The following EYA4 variants were observed in gnomAD, a reference collection of about 807,000 sequenced individuals.
The protein encoded by EYA4 is EYA transcriptional coactivator and phosphatase 4.
In EYA4, 31 loss-of-function variants were observed where a neutral mutation model predicts 87.9. That is an observed-to-expected ratio of 0.35 (90% CI 0.27 to 0.48). The LOEUF (loss-of-function observed/expected upper bound fraction) is 0.48. Among genes scored for constraint, EYA4 ranks in the 20% least tolerant of loss-of-function variants. The pLI, the probability that EYA4 is intolerant of heterozygous loss-of-function variation, is 0.99. For missense variants in EYA4, 678 were observed against 761.4 expected, an observed-to-expected ratio of 0.89 and a Z score of 1.29; for synonymous variants, 263 against 270.6, an observed-to-expected ratio of 0.97 and a Z score of 0.28.
intron 2 of EYA4, among the ~76,000 whole-genome samples, chr6:133,310,105 A>G (rs757715411): frequency 6.6e-6 from 1 of 152,180 alleles, no homozygotes; most frequent in Non-Finnish European, 1.5e-5. Context: ...GAGGAGGTCA[A>G]TTTTACTTAT....
chr6:133,432,746 C>T (rs1346656802), intron 3 of EYA4, among the ~76,000 whole-genome samples: 1 of 151,964 alleles, frequency 6.6e-6, no homozygotes, highest in Non-Finnish European at 1.5e-5. Flanking sequence ...ATCACAGGGC[C>T]CTCTCATCAC....
At chr6:133,415,856 C>G (rs952993149) in intron 3 of EYA4, among the ~76,000 whole-genome samples, 9 of 152,148 alleles carry the variant, frequency 5.9e-5, no homozygotes, top group Non-Finnish European at 1.0e-4. Context: ...AGACACACAA[C>G]AAGTATAAAA....
intron 3 of EYA4, among the ~76,000 whole-genome samples, chr6:133,415,555 G>T (rs1030318733): frequency 4.6e-5 from 7 of 152,102 alleles, no homozygotes; most frequent in African/African-American, 1.7e-4. Flanking sequence ...TGAGGATTAT[G>T]AGACACATGT....
chr6:133,342,062 C>CACT (rs1252536850), intron 2 of EYA4, among the ~76,000 whole-genome samples: 1 of 151,998 alleles, frequency 6.6e-6, no homozygotes, highest in African/African-American at 2.4e-5. Flanking sequence ...GACATGAAAG[C>CACT]ACTAACTTGG....
At chr6:133,308,017 G>C (rs1419962078) in intron 2 of EYA4, among the ~76,000 whole-genome samples, 1 of 152,124 alleles carries the variant, frequency 6.6e-6, no homozygotes, top group African/African-American at 2.4e-5. Flanking sequence ...ATAAAGGGCA[G>C]TTCCCCTGCA....
rs143757415 is a variant in EYA4, at chr6:133,464,803, C to A, written c.749C>A (p.Thr250Asn). 4.8e-5 allele frequency: 77 copies of A among 1,609,764 alleles called. No individual in the cohort carries two copies. The African/African-American group carries it at 9.2e-4, about 19-fold the overall frequency. Residue 250 changes from threonine (T) to asparagine (N), a missense_variant, in exon 10 of 20, where the codon ACT becomes AAT. Coordinates refer to ENST00000355286, the MANE Select transcript of EYA4 (RefSeq NM_004100.5). ...GGTTCTAGTTTTGCACCATCATCTA[C>A]TATTTATGCAAATAATTCAGTTTCC... ...MPGSSFAPSSTIYANNSVSNS... is the reference protein window; with the variant it reads ...MPGSSFAPSSNIYANNSVSNS...
rs187543032 is a variant in EYA4 at position 133,432,033 on chromosome 6, C to A, written c.84-14597C>A. On this transcript the variant is annotated intron_variant, in intron 3 of 19. Transcript: ENST00000355286. ...ACCCCCGCCCCCAGCATTTGCAAACCACCAGTCATTTCCTTAGGGACCTTA... is the reference window on the plus strand; with the variant it reads ...ACCCCCGCCCCCAGCATTTGCAAACAACCAGTCATTTCCTTAGGGACCTTA... Among the ~76,000 whole-genome samples the A allele has an allele frequency of 5.5e-3, 836 of 151,588 alleles. 6 individuals are homozygous for A. The highest frequency in any genetic ancestry group is 0.02 in the African/African-American group (815 of 41,280).
chr6:133,488,961 C>T (rs182803528), intron 13 of EYA4, among the ~76,000 whole-genome samples: 22 of 152,140 alleles, frequency 1.4e-4, no homozygotes, highest in Admixed American at 5.9e-4. Flanking sequence ...GTGACCTTTC[C>T]GATAGAGAAT....
At chr6:133,450,521 T>C (rs992855586) in intron 5 of EYA4, among the ~76,000 whole-genome samples, 14 of 152,194 alleles carry the variant, frequency 9.2e-5, no homozygotes, top group Admixed American at 9.2e-4. Context: ...TTTATTTATT[T>C]AAGATGGAGT....
At chr6:133,299,502 G>A (rs1439098638) in intron 2 of EYA4, among the ~76,000 whole-genome samples, 4 of 151,810 alleles carry the variant, frequency 2.6e-5, no homozygotes, top group Non-Finnish European at 5.9e-5. Flanking sequence ...ACGAGGTCAG[G>A]AGATCGAGAC....
intron 16 of EYA4, among the ~76,000 whole-genome samples, chr6:133,513,466 A>G (rs1799331896): frequency 6.6e-6 from 1 of 152,110 alleles, no homozygotes; most frequent in South Asian, 2.1e-4. Flanking sequence ...ATAAATATAA[A>G]CAGTTATTAA....
chr6:133,419,903 G>A (rs1048408827), intron 3 of EYA4, among the ~76,000 whole-genome samples: 7 of 152,110 alleles, frequency 4.6e-5, no homozygotes, highest in African/African-American at 7.2e-5. Context: ...TGAATAAGAC[G>A]CCCCACATTT....
intron 2 of EYA4, among the ~76,000 whole-genome samples, chr6:133,317,402 C>T (rs898801120): frequency 6.6e-6 from 1 of 152,276 alleles, no homozygotes; most frequent in Admixed American, 6.5e-5. Flanking sequence ...ACCCAGTCAT[C>T]ATTTCTCCTG....
At chr6:133,345,977 A>G (rs1783163159) in intron 2 of EYA4, among the ~76,000 whole-genome samples, 1 of 152,188 alleles carries the variant, frequency 6.6e-6, no homozygotes, top group South Asian at 2.1e-4. Flanking sequence ...TGGGCAGACT[A>G]GCAATTAAAG....
intron 17 of EYA4, among the ~76,000 whole-genome samples, chr6:133,519,500 T>C (rs1799915115): frequency 6.6e-6 from 1 of 151,404 alleles, no homozygotes; most frequent in Non-Finnish European, 1.5e-5. Context: ...GTGGCAATAA[T>C]CCATAGCTTA....
chr6:133,345,593 A>G (rs1440108876), intron 2 of EYA4, among the ~76,000 whole-genome samples: 2 of 152,234 alleles, frequency 1.3e-5, no homozygotes, highest in Non-Finnish European at 2.9e-5. Flanking sequence ...ATTCAACAGC[A>G]TTACTATTTC....
At chr6:133,404,815 G>C (rs1328390257) in intron 3 of EYA4, among the ~76,000 whole-genome samples, 1 of 152,192 alleles carries the variant, frequency 6.6e-6, no homozygotes, top group Non-Finnish European at 1.5e-5. Context: ...CCTTAAAGTG[G>C]ATTGCTTGTA....
Position 133,530,152 on chromosome 6 carries a change from G to T in EYA4, c.*1347G>T. The T allele has an allele frequency of 1.0e-6, 1 of 985,150 alleles. No homozygotes were observed. The highest frequency in any genetic ancestry group is 1.7e-5 in the African/African-American group (1 of 57,354). The allele number at this position is 985,150 out of a possible 1,614,324, so 61.0% of individuals were successfully genotyped here. A position where few individuals can be genotyped will look rare whatever the true frequency, so the allele number is the denominator to read the frequency against. On this transcript the variant is annotated 3_prime_UTR_variant, in exon 20 of 20. Transcript: ENST00000355286. ...CATCATAAATTAAATTAGCAAGTGCGCTGGATCTTGGCAGCGCTGCTGAAA... is the reference window on the plus strand; with the variant it reads ...CATCATAAATTAAATTAGCAAGTGCTCTGGATCTTGGCAGCGCTGCTGAAA...
intron 18 of EYA4, chr6:133,524,940 T>A: frequency 7.9e-7 from 1 of 1,273,880 alleles, no homozygotes; most frequent in Non-Finnish European, 1.1e-6. Context: ...TCAAGAGGCA[T>A]TAACTTAACA....
Sources: allele counts gnomAD v4.1 joint callset (sites outside exome capture counted in the v4.1 genomes callset), GRCh38; gene constraint gnomAD v4.1.1; transcripts MANE v1.5; gene names NCBI Gene and HGNC (gene_info 2026-07-23, HGNC 2026-07-21).